The following WDR64 variants were observed in gnomAD, a reference collection of about 807,000 sequenced individuals.
The protein encoded by WDR64 is WD repeat-containing protein 64.
Under a neutral mutation model 139.3 loss-of-function variants are expected in WDR64, and 112 were observed. The observed-to-expected ratio is 0.80, with a 90% confidence interval of 0.69 to 0.94. The LOEUF (loss-of-function observed/expected upper bound fraction) is 0.94. WDR64 is among the 40% of genes least tolerant of loss of function. The pLI, the probability that WDR64 is intolerant of heterozygous loss-of-function variation, is 0.00. For missense variants in WDR64, 1,206 were observed against 1,293.1 expected (o/e 0.93, Z 1.03); for synonymous variants, 444 against 437.7 (o/e 1.01, Z -0.18).
chr1:241,728,605 T>C lies in WDR64; in HGVS notation c.1194+5169T>C, dbSNP rs372430137. On this transcript the variant is annotated intron_variant, in intron 10 of 27. Transcript: ENST00000437684. ...GTCTTTCCACCAGGATATTACTTTC[T>C]TCCCCAACTGCTAAAATTGTATGTC... Among the ~76,000 whole-genome samples, 11 of 152,336 alleles carry C rather than the reference T, an allele frequency of 7.2e-5. No individual in the cohort carries two copies. In the South Asian group the frequency reaches 8.3e-4, roughly 12 times the overall value.
chr1:241,795,667 G>A (rs915507431), intron 26 of WDR64, among the ~76,000 whole-genome samples: 1 of 151,946 alleles, frequency 6.6e-6, no homozygotes, highest in Non-Finnish European at 1.5e-5. Flanking sequence ...AAGCATCACT[G>A]GTCTCTCTAA....
chr1:241,713,643 A>G (rs1668285387), intron 9 of WDR64, among the ~76,000 whole-genome samples: 1 of 152,202 alleles, frequency 6.6e-6, no homozygotes, highest in Non-Finnish European at 1.5e-5. Flanking sequence ...ATAAATATTA[A>G]TCCTCTCTGT....
chr1:241,763,245 G>A (rs1658003321), intron 15 of WDR64, among the ~76,000 whole-genome samples: 1 of 151,576 alleles, frequency 6.6e-6, no homozygotes, highest in South Asian at 2.1e-4. Flanking sequence ...AAAAAAAAAA[G>A]AAAAACTATG....
At chr1:241,702,962 A>G (rs1464405956) in intron 8 of WDR64, among the ~76,000 whole-genome samples, 2 of 152,212 alleles carry the variant, frequency 1.3e-5, no homozygotes, top group Non-Finnish European at 2.9e-5. Flanking sequence ...TGTCTGATGT[A>G]GAATTTTCTA....
chr1:241,802,540 T>C lies in WDR64; in HGVS notation c.*1325T>C, dbSNP rs369494846. On this transcript the variant is annotated 3_prime_UTR_variant, in exon 28 of 28. Coordinates refer to ENST00000437684, the MANE Select transcript of WDR64 (RefSeq NM_001367482.1). ...TGGATGATATTTCTGCATTTCGTTG[T>C]ATGTGAATTTTTTCAAAAAATTAAG... is the stretch of plus-strand genomic sequence containing the variant. 2.0e-5 allele frequency among the ~76,000 whole-genome samples: 3 copies of C among 152,242 alleles called. No homozygotes were observed. In the South Asian group the frequency reaches 6.2e-4, roughly 32 times the overall value.
chr1:241,691,899 G>C (rs1347919479), intron 8 of WDR64, among the ~76,000 whole-genome samples: 1 of 152,040 alleles, frequency 6.6e-6, no homozygotes, highest in East Asian at 1.9e-4. Context: ...TATAATCTCA[G>C]CTACTTGGGA....
chr1:241,683,345 GT>G, intron 6 of WDR64, 141 bp from the exon 7 acceptor site: 1 of 765,390 alleles, frequency 1.3e-6, no homozygotes. Flanking sequence ...TGGTTAACTG[GT>G]TTTTTTCTCA....
chr1:241,684,520 G>A (rs1666935476), intron 7 of WDR64, among the ~76,000 whole-genome samples: 1 of 152,142 alleles, frequency 6.6e-6, no homozygotes, highest in Non-Finnish European at 1.5e-5. Context: ...TATCATAGAA[G>A]TACAAGTTAA....
intron 24 of WDR64, among the ~76,000 whole-genome samples, chr1:241,790,108 T>C (rs149277456): frequency 0.012 from 1,756 of 152,204 alleles, 23 homozygotes; most frequent in Middle Eastern, 0.034. Flanking sequence ...CCCAGCACTT[T>C]AGGAGGCTGA....
chr1:241,789,547 A>G (rs1329248833), intron 24 of WDR64, among the ~76,000 whole-genome samples: 1 of 152,242 alleles, frequency 6.6e-6, no homozygotes, highest in African/African-American at 2.4e-5. Flanking sequence ...CTATGCACCC[A>G]TAAAAAAGAA....
At chr1:241,655,044 A>G (rs1454456099) in intron 1 of WDR64, among the ~76,000 whole-genome samples, 1 of 152,154 alleles carries the variant, frequency 6.6e-6, no homozygotes, top group Non-Finnish European at 1.5e-5. Context: ...ACCTTTCACT[A>G]TGTCATGGTA....
At position 241,683,742 on chromosome 1, in the gene WDR64, A is replaced by G. The variant is rs181656707; in HGVS notation, c.839+41A>G. 1.5e-5 allele frequency: 21 copies of G among 1,415,308 alleles called. 1 individual carries two copies. The East Asian group carries it at 2.0e-4, about 14-fold the overall frequency. 87.7% of individuals were successfully genotyped at this position (1,415,308 alleles called of 1,614,324 possible). A position where few individuals can be genotyped will look rare whatever the true frequency, so the allele number is the denominator to read the frequency against. ...AGTTAATTTAATTCTTTTAATAATT[A>G]TAGTCTTTTGCAAGTAAGCTTTATG... On this transcript the variant is annotated intron_variant, in intron 7 of 27. Coordinates refer to ENST00000437684, the MANE Select transcript of WDR64 (RefSeq NM_001367482.1).
chr1:241,744,011 C>A (rs74490012), intron 12 of WDR64, among the ~76,000 whole-genome samples: 6,684 of 152,214 alleles, frequency 0.044, 501 homozygotes, highest in African/African-American at 0.15. Flanking sequence ...GTCCCATGAT[C>A]CCTGGATAAC....
rs35435449 is a variant in WDR64, at chr1:241,790,703, T to TA, written c.2997+25dup. 9.2e-3 allele frequency: 11,781 copies of TA among 1,281,074 alleles called. No homozygotes were observed. The highest frequency in any genetic ancestry group is 0.014 in the South Asian group (971 of 69,856). The allele number at this position is 1,281,074 out of a possible 1,614,324, so 79.4% of individuals were successfully genotyped here. ...GTCTCTTTCTTCTCCTAAGGTAGCT[T>TA]AAAAAAAAAAAAAAAAAAGAAATGG... On this transcript the variant is annotated splice_region_variant and intron_variant, in intron 25 of 27. Coordinates refer to ENST00000437684, the MANE Select transcript of WDR64 (RefSeq NM_001367482.1).
chr1:241,737,370 A>T (rs187293358), intron 10 of WDR64, among the ~76,000 whole-genome samples: 1 of 152,344 alleles, frequency 6.6e-6, no homozygotes, highest in East Asian at 1.9e-4. Flanking sequence ...TAATTAACTT[A>T]TAATGAACTC....
chr1:241,766,741 A>G (rs1658196093), intron 16 of WDR64, among the ~76,000 whole-genome samples: 1 of 151,760 alleles, frequency 6.6e-6, no homozygotes, highest in South Asian at 2.1e-4. Flanking sequence ...CAAAAAAGCA[A>G]TACATAAAAA....
intron 23 of WDR64, among the ~76,000 whole-genome samples, 180 bp from the exon 24 acceptor site, chr1:241,787,665 CAAAA>C (rs58063137): frequency 8.6e-6 from 1 of 116,630 alleles, no homozygotes; most frequent in African/African-American, 3.1e-5. Flanking sequence ...AACTCCATCT[CAAAA>C]AAAAAAAAAA....
chr1:241,698,743 T>G (rs2148140212), intron 8 of WDR64, among the ~76,000 whole-genome samples: 1 of 152,246 alleles, frequency 6.6e-6, no homozygotes, highest in Non-Finnish European at 1.5e-5. Flanking sequence ...TGGTACCTAC[T>G]CCAGGGAATT....
At chr1:241,728,034 G>T (rs748136516) in intron 10 of WDR64, among the ~76,000 whole-genome samples, 22 of 151,096 alleles carry the variant, frequency 1.5e-4, no homozygotes, top group Non-Finnish European at 2.7e-4. Context: ...AATTTAGGCA[G>T]AAAGAAGAGC....
Sources: allele counts gnomAD v4.1 joint callset (sites outside exome capture counted in the v4.1 genomes callset), GRCh38; gene constraint gnomAD v4.1.1; transcripts MANE v1.5; gene names NCBI Gene and HGNC (gene_info 2026-07-23, HGNC 2026-07-21).